LIPM: variants seen among roughly 807,000 people sequenced by gnomAD.
LIPM encodes lipase family member M.
In LIPM, 42 loss-of-function variants were observed where a neutral mutation model predicts 42.4. That is an observed-to-expected ratio of 0.99 (90% CI 0.77 to 1.28). LIPM has a LOEUF of 1.28. LIPM is among the 50% of genes most tolerant of loss of function. LIPM has a pLI of 0.00. For synonymous variants in LIPM, 177 were observed against 173.3 expected (o/e 1.02, Z -0.17); for missense variants, 524 against 520.1 (o/e 1.01, Z -0.07).
Position 88,813,247 on chromosome 10 carries a change from G to A in LIPM, c.416G>A (p.Arg139Gln), listed in dbSNP as rs1224803054. 75 of 1,612,052 alleles carry A rather than the reference G, an allele frequency of 4.7e-5. No individual in the cohort carries two copies. Among genetic ancestry groups the A allele is most frequent in the Non-Finnish European group, 5.9e-5 (69 of 1,179,024 alleles). The change falls in exon 3 of 9, where the codon CGA becomes CAA. Residue 139 changes from arginine to glutamine, a missense_variant. By Grantham distance (43) the Arg-to-Gln change is conservative. Transcript: ENST00000404743. The stretch of plus-strand genomic sequence containing the variant: ...AACAGCAGGGGAAACGCCTGGTCTC[G>A]AAAACACAAGACACTCTCCATAGAC... ...MGNSRGNAWS[R>Q]KHKTLSIDQD...
chr10:88,808,664 C>T lies in LIPM; in HGVS notation c.265+249C>T, dbSNP rs1052993495. On this transcript the variant is annotated intron_variant, in intron 2 of 8. Coordinates refer to ENST00000404743, the MANE Select transcript of LIPM (RefSeq NM_001128215.1). ...ACACTCCTTCAAGAAAAGTTCATTT[C>T]TTGACTTATTTTAGCGCTTAACCCA... is the stretch of plus-strand genomic sequence containing the variant. 4.6e-5 allele frequency among the ~76,000 whole-genome samples: 7 copies of T among 152,146 alleles called. 1 individual carries two copies. Among genetic ancestry groups the T allele is most frequent in the Non-Finnish European group, 1.5e-5 (1 of 68,014 alleles).
Position 88,815,485 on chromosome 10 carries a change from C to T in LIPM, c.840C>T (p.Asn280=), listed in dbSNP as rs1269784264. 6.4e-7 allele frequency: 1 copy of T among 1,551,400 alleles called. No individual in the cohort carries two copies. The highest frequency in any genetic ancestry group is 8.7e-7 in the Non-Finnish European group (1 of 1,146,860). Residue 280 remains asparagine (N), a synonymous_variant, in exon 6 of 9, where the codon AAC becomes AAT. Coordinates refer to ENST00000404743, the MANE Select transcript of LIPM (RefSeq NM_001128215.1). ...TCATGTTACTTCTGGGTGGATTCAACACCAACAATATGAACATGGTAAGTG... is the reference window on the plus strand; with the variant it reads ...TCATGTTACTTCTGGGTGGATTCAATACCAACAATATGAACATGGTAAGTG... ...SNIMLLLGGF[N]TNNMNMSRAS...
chr10:88,816,932 T>C, intron 7 of LIPM, 45 bp downstream of exon 7: 1 of 1,407,742 alleles, frequency 7.1e-7, no homozygotes, highest in South Asian at 1.2e-5. Flanking sequence ...TCCTGTTATA[T>C]TTTGTGTAGA....
At position 88,820,241 on chromosome 10, in the gene LIPM, G is replaced by A. The variant is rs1436819173; in HGVS notation, c.1012G>A (p.Val338Ile). ...NLEKCNQPTP[V>I]RYRVRDMTVP... ...TATTCCTTTTCTCTAGCCAACTCCT[G>A]TAAGGTACAGAGTCAGAGATATGAC... The change falls in exon 9 of 9, where the codon GTA becomes ATA. Residue 338 changes from valine (V) to isoleucine (I), a missense_variant. Transcript: ENST00000404743. The A allele has an allele frequency of 6.4e-6, 10 of 1,550,858 alleles. No homozygotes were observed. Among genetic ancestry groups the A allele is most frequent in the Non-Finnish European group, 7.8e-6 (9 of 1,146,796 alleles).
rs1306295110 is a variant in LIPM at position 88,816,877 on chromosome 10, A to C, written c.920A>C (p.His307Pro). 6.4e-7 allele frequency: 1 copy of C among 1,551,102 alleles called. No individual in the cohort carries two copies. The change falls in exon 7 of 9, where the codon CAC becomes CCC. Residue 307 changes from histidine to proline, a missense_variant. By Grantham distance (77) the His-to-Pro change is moderately conservative (BLOSUM62 -2). Coordinates refer to ENST00000404743, the MANE Select transcript of LIPM (RefSeq NM_001128215.1). ...LAGTSVQNIL[H>P]WSQAVNSGEL... ...GGAACATCTGTGCAAAATATTCTACACTGGAGCCAGGTAAGAATGTTGAAT... is the reference window on the plus strand; with the variant it reads ...GGAACATCTGTGCAAAATATTCTACCCTGGAGCCAGGTAAGAATGTTGAAT...
intron 2 of LIPM, among the ~76,000 whole-genome samples, chr10:88,810,229 T>C (rs1008721239): frequency 6.6e-6 from 1 of 152,178 alleles, no homozygotes; most frequent in African/African-American, 2.4e-5. Context: ...AATAAATGAA[T>C]AGCCTGGGGA....
In LIPM at chr10:88,817,834, T is replaced by G; in HGVS notation, c.940T>G (p.Ser314Ala). ...TTTTGTCTCCTTTTAGGCAGTGAAT[T>G]CTGGTGAACTCCGGGCATTTGACTG... ...NILHWSQAVN[S>A]GELRAFDWGS... The change falls in exon 8 of 9, where the codon TCT (serine) becomes GCT (alanine). Residue 314 changes from serine to alanine, a missense_variant. By Grantham distance (99) the Ser-to-Ala change is moderately conservative (BLOSUM62 1). Transcript: ENST00000404743. 1 of 1,551,330 alleles carries G rather than the reference T, an allele frequency of 6.4e-7. No homozygotes were observed. Among genetic ancestry groups the G allele is most frequent in the Non-Finnish European group, 8.7e-7 (1 of 1,146,720 alleles).
intron 2 of LIPM, among the ~76,000 whole-genome samples, chr10:88,810,914 G>A (rs1212400490): frequency 6.6e-6 from 1 of 152,208 alleles, no homozygotes; most frequent in African/African-American, 2.4e-5. Context: ...TGTTAACACA[G>A]CTGAGGTCAC....
chr10:88,802,878 TA>T lies in LIPM; in HGVS notation c.-16del. 1 of 1,521,070 alleles carries T rather than the reference TA, an allele frequency of 6.6e-7. No individual in the cohort carries two copies. The highest frequency in any genetic ancestry group is 8.8e-7 in the Non-Finnish European group (1 of 1,135,450). The allele number at this position is 1,521,070 out of a possible 1,614,324, so 94.2% of individuals were successfully genotyped here. A position where few individuals can be genotyped will look rare whatever the true frequency, so the allele number is the denominator to read the frequency against. The stretch of plus-strand genomic sequence containing the variant: ...TAGTTGTTACATTGGCAGGAAAAAA[TA>T]AATGCAGATGTTGGACCATGTTGGA... On this transcript the variant is annotated 5_prime_UTR_variant, in exon 1 of 9. It adds an upstream start codon to the 5' untranslated region. Transcript: ENST00000404743.
At chr10:88,806,364 C>T (rs994425001) in intron 1 of LIPM, among the ~76,000 whole-genome samples, 27 of 152,220 alleles carry the variant, frequency 1.8e-4, no homozygotes, top group Non-Finnish European at 1.8e-4. Context: ...GCTCCTCCTG[C>T]TCAGAATTCC....
At chr10:88,816,957 C>T in intron 7 of LIPM, 70 bp downstream of exon 7, 1 of 1,130,240 alleles carries the variant, frequency 8.8e-7, no homozygotes, top group Non-Finnish European at 1.3e-6. Context: ...TCAAAGGACA[C>T]CATTTAGATA....
In LIPM at chr10:88,813,164, G is replaced by C. The variant is rs755331966; in HGVS notation, c.333G>C (p.Leu111=). 1 of 1,612,940 alleles carries C rather than the reference G, an allele frequency of 6.2e-7. No homozygotes were observed. The highest frequency in any genetic ancestry group is 1.1e-5 in the South Asian group (1 of 90,950). ...VGGASNWISN[L]PNNSLGFILA... The stretch of plus-strand genomic sequence containing the variant: ...GTGCTAGCAACTGGATTTCCAACCT[G>C]CCCAACAATAGCCTGGGCTTCATTC... Residue 111 remains leucine, a synonymous_variant, in exon 3 of 9, where the codon CTG becomes CTC. Transcript: ENST00000404743.
intron 2 of LIPM, among the ~76,000 whole-genome samples, chr10:88,809,281 A>T (rs1843626181): frequency 6.6e-6 from 1 of 152,152 alleles, no homozygotes; most frequent in Admixed American, 6.5e-5. Context: ...TGTTTGATAC[A>T]TGTCTCCATA....
At chr10:88,809,934 A>G (rs1843634053) in intron 2 of LIPM, among the ~76,000 whole-genome samples, 1 of 152,148 alleles carries the variant, frequency 6.6e-6, no homozygotes, top group African/African-American at 2.4e-5. Flanking sequence ...AGCCAACTTT[A>G]TCAGAGTTCT....
intron 2 of LIPM, among the ~76,000 whole-genome samples, chr10:88,810,432 G>A (rs1350001805): frequency 6.6e-6 from 1 of 150,842 alleles, no homozygotes; most frequent in East Asian, 2.0e-4. Context: ...CTGCCTCCTT[G>A]TTCCAGTCCG....
Position 88,815,185 on chromosome 10 carries a change from C to G in LIPM, c.672C>G (p.Pro224=), listed in dbSNP as rs1355921677. 1.9e-6 allele frequency: 3 copies of G among 1,551,858 alleles called. No individual in the cohort carries two copies. Among genetic ancestry groups the G allele is most frequent in the Non-Finnish European group, 1.7e-6 (2 of 1,147,028 alleles). The change falls in exon 5 of 9, where the codon CCC becomes CCG. Residue 224 remains proline (P), a synonymous_variant. Coordinates refer to ENST00000404743, the MANE Select transcript of LIPM (RefSeq NM_001128215.1). ...CCACTGTTAAGCATGCAAAAAGCCC[C>G]GGGACCAAATTTTTGTTGCTGCCAG... The part of the protein sequence containing the change: ...PIATVKHAKS[P]GTKFLLLPDM...
intron 1 of LIPM, among the ~76,000 whole-genome samples, chr10:88,807,226 A>C (rs12412604): frequency 2.4e-4 from 36 of 152,308 alleles, no homozygotes; most frequent in Non-Finnish European, 2.9e-5. Context: ...TTACAGATGC[A>C]TGAACTGAAG....
intron 4 of LIPM, 27 bp downstream of exon 4, chr10:88,814,666 A>G (rs915035129): frequency 3.3e-6 from 5 of 1,508,146 alleles, no homozygotes; most frequent in Non-Finnish European, 4.5e-6. Flanking sequence ...GCAGGTTTGT[A>G]TACTCGGAAG....
At chr10:88,805,756 C>T (rs2133050612) in intron 1 of LIPM, among the ~76,000 whole-genome samples, 1 of 152,260 alleles carries the variant, frequency 6.6e-6, no homozygotes, top group East Asian at 1.9e-4. Flanking sequence ...TAAGTATTTG[C>T]CCCAGGTTGG....
Sources: allele counts gnomAD v4.1 joint callset (sites outside exome capture counted in the v4.1 genomes callset), GRCh38; gene constraint gnomAD v4.1.1; transcripts MANE v1.5; gene names NCBI Gene and HGNC (gene_info 2026-07-23, HGNC 2026-07-21).